PRKDC: variants seen among roughly 807,000 people sequenced by gnomAD.
The protein encoded by PRKDC is protein kinase, DNA-activated, catalytic subunit, also known as DNA-dependent protein kinase catalytic subunit.
A neutral mutation model predicts 486.9 loss-of-function variants in PRKDC; 82 were observed. The observed-to-expected ratio is 0.17, with a 90% CI of 0.14 to 0.20. PRKDC has a LOEUF of 0.20. Among genes scored for constraint, PRKDC ranks in the 10% least tolerant of loss-of-function variants. PRKDC has a pLI of 1.00. For missense variants in PRKDC, 4,504 were observed against 5,038.2 expected, an observed-to-expected ratio of 0.89 and a Z score of 3.21; for synonymous variants, 1,895 against 1,837.0, an observed-to-expected ratio of 1.03 and a Z score of -0.81.
At position 47,782,468 on chromosome 8, in the gene PRKDC, T is replaced by C. The variant is rs2086713813; in HGVS notation, c.11306A>G (p.Gln3769Arg). The change falls in exon 79 of 86, where the codon CAG becomes CGG. Residue 3769 changes from glutamine (Q) to arginine (R), a missense_variant. Physicochemically the swap from Gln to Arg is conservative, Grantham distance 43. Around this residue, in one of 6 missense-constraint regions of PRKDC, gnomAD observed 706 missense variants for 945.0 expected, o/e 0.75. Transcript: ENST00000314191. The surrounding 1 kb of genome is among the most constrained non-coding windows in gnomAD (Gnocchi z 4.9). ...TTGGGCCAGGATCCCATTCATGACC[T>C]GGAAGAGCTGCTCCACGCGCTGGTC... ...RQDQRVEQLF[Q>R]VMNGILAQDS... The C allele has an allele frequency of 6.3e-7, 1 of 1,589,486 alleles. No individual in the cohort carries two copies.
chr8:47,925,997 C>G (rs1167414861), intron 21 of PRKDC, among the ~76,000 whole-genome samples: 1 of 152,086 alleles, frequency 6.6e-6, no homozygotes, highest in Non-Finnish European at 1.5e-5. Context: ...TCTCAATTAT[C>G]GAATCATCTA....
chr8:47,804,285 C>T (rs1456725907), intron 69 of PRKDC, among the ~76,000 whole-genome samples: 1 of 150,596 alleles, frequency 6.6e-6, no homozygotes, highest in Non-Finnish European at 1.5e-5. Context: ...CTCCATTGCA[C>T]GGACATGCCA....
chr8:47,859,117 T>G, intron 46 of PRKDC, 131 bp from the exon 47 acceptor site: 5 of 959,444 alleles, frequency 5.2e-6, no homozygotes, highest in Non-Finnish European at 7.9e-6. Flanking sequence ...AATCTGGTAA[T>G]AATATCAAAT....
At position 47,879,535 on chromosome 8, in the gene PRKDC, G is replaced by T. The variant is rs1388408275; in HGVS notation, c.5191C>A (p.Pro1731Thr). 6 of 1,598,732 alleles carry T rather than the reference G, an allele frequency of 3.8e-6. No homozygotes were observed. Among genetic ancestry groups the T allele is most frequent in the Non-Finnish European group, 5.1e-6 (6 of 1,172,316 alleles). The change falls in exon 39 of 86, where the codon CCA becomes ACA. Residue 1731 changes from proline (P) to threonine (T), a missense_variant. Pro to Thr is a conservative substitution (Grantham distance 38). Coordinates refer to ENST00000314191, the MANE Select transcript of PRKDC (RefSeq NM_006904.7). Reference protein sequence around the residue: ...HFPMQSREFPPGTPRFNNYVD... With the variant: ...HFPMQSREFPTGTPRFNNYVD... Reference sequence around the variant, plus strand: ...TAATTATTGAACCGCGGAGTTCCTGGAGGAAATTCCCTGGACTGCATGGGG... The same window carrying T: ...TAATTATTGAACCGCGGAGTTCCTGTAGGAAATTCCCTGGACTGCATGGGG...
At chr8:47,856,901 G>C (rs1408583511) in intron 49 of PRKDC, among the ~76,000 whole-genome samples, 1 of 152,142 alleles carries the variant, frequency 6.6e-6, no homozygotes, top group Non-Finnish European at 1.5e-5. Context: ...GCAAGTAAAG[G>C]CAGCAAACAA....
chr8:47,868,555 C>T (rs544507550), intron 40 of PRKDC, among the ~76,000 whole-genome samples: 1 of 151,938 alleles, frequency 6.6e-6, no homozygotes, highest in Admixed American at 6.6e-5. Flanking sequence ...TAGAGCAAGA[C>T]CTTATCTCAA....
chr8:47,787,777 G>A (rs1210182653), intron 76 of PRKDC, among the ~76,000 whole-genome samples: 1 of 152,182 alleles, frequency 6.6e-6, no homozygotes, highest in African/African-American at 2.4e-5. Context: ...CAGTGTGCTG[G>A]GGGCAGGCTA....
At chr8:47,825,230 A>G (rs774381434) in intron 63 of PRKDC, among the ~76,000 whole-genome samples, 1 of 152,176 alleles carries the variant, frequency 6.6e-6, no homozygotes, top group African/African-American at 2.4e-5. Flanking sequence ...AACAATGGCC[A>G]TGACATATCA....
chr8:47,934,735 CA>C (rs2090318733), intron 14 of PRKDC, among the ~76,000 whole-genome samples: 1 of 152,118 alleles, frequency 6.6e-6, no homozygotes, highest in Non-Finnish European at 1.5e-5. Flanking sequence ...CCTCCCTTAG[CA>C]ATTTGTCCTA....
chr8:47,793,394 C>T (rs1232314718), intron 74 of PRKDC, among the ~76,000 whole-genome samples: 1 of 152,064 alleles, frequency 6.6e-6, no homozygotes, highest in African/African-American at 2.4e-5. Flanking sequence ...CTTTGGGAGG[C>T]CAAGGTGGGC....
chr8:47,814,335 A>C (rs1468986045), intron 68 of PRKDC, among the ~76,000 whole-genome samples: 1 of 152,192 alleles, frequency 6.6e-6, no homozygotes, highest in East Asian at 1.9e-4. Context: ...TAGCACGTAT[A>C]TTCAAGATTG....
chr8:47,957,259 C>T lies in PRKDC; in HGVS notation c.236G>A (p.Arg79His), dbSNP rs1050691333. The change falls in exon 3 of 86, where the codon CGT becomes CAT. Residue 79 changes from arginine to histidine, a missense_variant. Coordinates refer to ENST00000314191, the MANE Select transcript of PRKDC (RefSeq NM_006904.7). ...CTTTAGGATTTCTTCTCTACATTCACGAAACTGTAATGAAAGAGATACATA... is the reference window on the plus strand; with the variant it reads ...CTTTAGGATTTCTTCTCTACATTCATGAAACTGTAATGAAAGAGATACATA... ...VRKSLNSIEF[R>H]ECREEILKFL... is the part of the protein sequence containing the mutation. The T allele has an allele frequency of 1.9e-6, 3 of 1,595,384 alleles. No homozygotes were observed. The highest frequency in any genetic ancestry group is 2.6e-6 in the Non-Finnish European group (3 of 1,165,748).
intron 30 of PRKDC, among the ~76,000 whole-genome samples, chr8:47,895,924 A>G (rs952023965): frequency 6.6e-6 from 1 of 152,042 alleles, no homozygotes; most frequent in Non-Finnish European, 1.5e-5. Context: ...CTGTAATCCC[A>G]GCTACTCTGG....
chr8:47,932,924 C>T, intron 16 of PRKDC, 96 bp downstream of exon 16: 1 of 1,119,970 alleles, frequency 8.9e-7, no homozygotes, highest in Non-Finnish European at 1.2e-6. Context: ...TTCTCCAGTT[C>T]TCCTCTACAA....
chr8:47,914,245 GATTTA>G (rs1375883289), intron 23 of PRKDC, among the ~76,000 whole-genome samples, 181 bp from the exon 24 acceptor site: 5 of 151,968 alleles, frequency 3.3e-5, no homozygotes, highest in Middle Eastern at 3.4e-3. Flanking sequence ...GAAATCACTC[GATTTA>G]ATTTAAAGTA....
At chr8:47,814,465 C>T (rs2087399944) in intron 68 of PRKDC, among the ~76,000 whole-genome samples, 1 of 152,034 alleles carries the variant, frequency 6.6e-6, no homozygotes, top group African/African-American at 2.4e-5. Context: ...AGAGAACCTG[C>T]AAAACAAGAA....
chr8:47,889,973 G>A (rs1260690812), intron 32 of PRKDC, among the ~76,000 whole-genome samples: 4 of 152,094 alleles, frequency 2.6e-5, no homozygotes, highest in African/African-American at 9.7e-5. Context: ...ACATCATGCT[G>A]TATACCATAA....
At chr8:47,932,945 G>A (rs2154503656) in intron 16 of PRKDC, 75 bp downstream of exon 16, 1 of 1,324,202 alleles carries the variant, frequency 7.6e-7, no homozygotes, top group Admixed American at 2.8e-5. Flanking sequence ...ATGTGCTATT[G>A]TCCCCTAAAT....
chr8:47,775,047 C>T (rs994901534), intron 85 of PRKDC, among the ~76,000 whole-genome samples: 11 of 151,908 alleles, frequency 7.2e-5, no homozygotes, highest in African/African-American at 2.4e-4. Context: ...AATTACCAGG[C>T]GTGGTAGCAT....
Sources: gnomAD v4.1 joint callset for allele counts (sites outside exome capture counted in the v4.1 genomes callset) on GRCh38, gnomAD v4.1.1 for gene constraint, gnomAD v4.1.1 regional missense constraint, Gnocchi (gnomAD v3.1) non-coding constraint, MANE v1.5 for transcripts, NCBI Gene and HGNC (gene_info 2026-07-23, HGNC 2026-07-21) for gene names.